Variants in ZPBP observed in about 807,000 individuals in gnomAD.
ZPBP encodes zona pellucida binding protein.
A neutral mutation model predicts 44.8 loss-of-function variants in ZPBP; 26 were observed. The ratio of observed to expected loss-of-function variants is 0.58; its 90% CI spans 0.43 to 0.81. The LOEUF is 0.81. Among genes scored for constraint, ZPBP ranks in the 30% least tolerant of loss-of-function variants. The probability of loss-of-function intolerance (pLI) is 0.00; values close to 1 mark genes in which losing one functional copy is unlikely to be tolerated. For missense variants in ZPBP, 409 were observed against 434.0 expected, an observed-to-expected ratio of 0.94 and a Z score of 0.51; for synonymous variants, 174 against 153.2, an observed-to-expected ratio of 1.14 and a Z score of -1.00.
intron 4 of ZPBP, among the ~76,000 whole-genome samples, chr7:50,035,260 C>G (rs766738180): frequency 2.0e-4 from 31 of 152,218 alleles, no homozygotes; most frequent in Non-Finnish European, 4.3e-4. Context: ...ATGATAGGTA[C>G]AGCACACGCA....
intron 6 of ZPBP, among the ~76,000 whole-genome samples, chr7:49,986,654 C>T (rs1797297127): frequency 6.6e-6 from 1 of 151,962 alleles, no homozygotes; most frequent in African/African-American, 2.4e-5. Flanking sequence ...TTTTTCTCCA[C>T]CAGGTCAAGA....
chr7:49,877,462 CAAA>C (rs1169480763), intron 2 of ZPBP, among the ~76,000 whole-genome samples: 30 of 7,028 alleles, frequency 4.3e-3, no homozygotes, highest in Middle Eastern at 0.25. Context: ...AACTCTGTCT[CAAA>C]AAAAAAAAAA....
chr7:49,901,837 A>C (rs932633051), intron 1 of ZPBP, among the ~76,000 whole-genome samples: 3 of 142,950 alleles, frequency 2.1e-5, no homozygotes, highest in Non-Finnish European at 4.5e-5. Flanking sequence ...ATGGAACAGA[A>C]TAGAGAGCCC....
chr7:49,929,869 A>G (rs1794388006), intron 1 of ZPBP, among the ~76,000 whole-genome samples: 1 of 152,212 alleles, frequency 6.6e-6, no homozygotes, highest in South Asian at 2.1e-4. Flanking sequence ...AACGCACACA[A>G]GTTAAAGAGA....
chr7:49,845,493 G>A (rs935312600), downstream of ZPBP, among the ~76,000 whole-genome samples: 1 of 152,138 alleles, frequency 6.6e-6, no homozygotes, highest in Non-Finnish European at 1.5e-5. Context: ...AAAAAACACT[G>A]AAATGTAGAA....
intron 2 of ZPBP, among the ~76,000 whole-genome samples, chr7:49,876,528 A>G (rs1469605339): frequency 6.6e-6 from 1 of 152,224 alleles, no homozygotes; most frequent in Admixed American, 6.5e-5. Flanking sequence ...ATTCAGGGAT[A>G]TGCTGCTGAC....
the ZPBP span, among the ~76,000 whole-genome samples, chr7:49,841,752 T>C: frequency 1.3e-5 from 2 of 152,362 alleles, no homozygotes; most frequent in East Asian, 3.9e-4. Flanking sequence ...TAATGTGTAA[T>C]AATTTTTGCA....
intron 4 of ZPBP, among the ~76,000 whole-genome samples, chr7:50,053,649 T>C (rs1159560802): frequency 6.6e-6 from 1 of 152,216 alleles, no homozygotes; most frequent in Non-Finnish European, 1.5e-5. Context: ...CTAGAAAGCT[T>C]GTATAACACA....
chr7:49,845,000 C>G, the ZPBP span, among the ~76,000 whole-genome samples: 1 of 152,130 alleles, frequency 6.6e-6, no homozygotes, highest in Admixed American at 6.6e-5. Context: ...CACTTTCGTC[C>G]TCATTTTTGG....
At chr7:49,981,593 A>G (rs1266830953) in intron 7 of ZPBP, among the ~76,000 whole-genome samples, 2 of 23,046 alleles carry the variant, frequency 8.7e-5, no homozygotes, top group Admixed American at 5.8e-4. Flanking sequence ...TATATTATAT[A>G]ATTATATAAA....
At chr7:49,905,172 T>A (rs1308812870) in intron 1 of ZPBP, among the ~76,000 whole-genome samples, 1 of 152,228 alleles carries the variant, frequency 6.6e-6, no homozygotes, top group Non-Finnish European at 1.5e-5. Context: ...TGACCTTCCA[T>A]CACCTCAACT....
intron 2 of ZPBP, among the ~76,000 whole-genome samples, chr7:49,887,510 G>C (rs534736830): frequency 1.6e-5 from 2 of 124,112 alleles, no homozygotes; most frequent in African/African-American, 6.8e-5. Context: ...TGTAATTGTG[G>C]GGTATTAGAT....
At chr7:49,900,712 G>A (rs1792677214) in intron 2 of ZPBP, among the ~76,000 whole-genome samples, 1 of 151,754 alleles carries the variant, frequency 6.6e-6, no homozygotes, top group Non-Finnish European at 1.5e-5. Context: ...AGGATCACTG[G>A]TGAATTATAC....
intron 7 of ZPBP, among the ~76,000 whole-genome samples, chr7:49,965,630 T>C (rs915486616): frequency 2.0e-5 from 3 of 152,070 alleles, no homozygotes; most frequent in Non-Finnish European, 4.4e-5. Flanking sequence ...TTTTTGGTGT[T>C]ATTTCTATCC....
intron 5 of ZPBP, among the ~76,000 whole-genome samples, chr7:50,029,845 C>CTGT (rs140686848): frequency 3.3e-4 from 49 of 147,240 alleles, no homozygotes; most frequent in Admixed American, 1.8e-3. Context: ...GTTGTTGTTG[C>CTGT]TGTTGTTGTT....
intron 6 of ZPBP, among the ~76,000 whole-genome samples, chr7:50,012,301 G>GA (rs1459889935): frequency 6.6e-6 from 1 of 151,888 alleles, no homozygotes; most frequent in African/African-American, 2.4e-5. Flanking sequence ...ATTACTTATT[G>GA]AAAACCTACC....
intron 2 of ZPBP, among the ~76,000 whole-genome samples, chr7:49,856,776 G>A (rs982433181): frequency 6.6e-6 from 1 of 151,988 alleles, no homozygotes; most frequent in Admixed American, 6.6e-5. Flanking sequence ...TTGGGAGGCC[G>A]AGGTGGGCGG....
intron 7 of ZPBP, among the ~76,000 whole-genome samples, chr7:49,982,047 GATTATATAATTATATGAATTATATA>G (rs1562820919): frequency 0.014 from 197 of 14,446 alleles, 60 homozygotes; most frequent in East Asian, 0.06. Context: ...GAATTATATA[GATTATATAATTATATGAATTATATA>G]ATTATATAAT....
intron 1 of ZPBP, chr7:49,918,562 C>G (rs1192351470): frequency 6.6e-6 from 1 of 152,108 alleles, no homozygotes; most frequent in East Asian, 1.9e-4. Context: ...TCAGGTTGTT[C>G]AGGTATGATT....
Sources: gnomAD v4.1 joint callset for allele counts (sites outside exome capture counted in the v4.1 genomes callset) on GRCh38, gnomAD v4.1.1 for gene constraint, MANE v1.5 for transcripts, NCBI Gene and HGNC (gene_info 2026-07-23, HGNC 2026-07-21) for gene names.